The following MOV10 variants were observed in gnomAD, a reference collection of about 807,000 sequenced individuals.
MOV10 encodes Mov10 RNA helicase, also known as RNA helicase MOV-10.
A neutral mutation model predicts 108.4 loss-of-function variants in MOV10; 39 were observed. The observed-to-expected ratio is 0.36, with a 90% CI of 0.28 to 0.47. The LOEUF (loss-of-function observed/expected upper bound fraction) is 0.47, where lower values mean the gene tolerates loss of function less well. Among genes scored for constraint, MOV10 ranks in the 20% least tolerant of loss-of-function variants. The probability of loss-of-function intolerance (pLI) is 1.00; values close to 1 mark genes in which losing one functional copy is unlikely to be tolerated. For missense variants in MOV10, 952 were observed against 1,297.6 expected, an observed-to-expected ratio of 0.73 and a Z score of 4.09; for synonymous variants, 490 against 523.1, an observed-to-expected ratio of 0.94 and a Z score of 0.86.
Position 112,690,035 on chromosome 1 carries a change from G to T in MOV10, c.773G>T (p.Arg258Leu), listed in dbSNP as rs147230995. ...CTGAAGCCCATGACTCCCTTCAAGC[G>T]GACCCGGATCACCGGAAACCCTGTG... The part of the protein sequence containing the change: ...AQLKPMTPFK[R>L]TRITGNPVVT... Residue 258 changes from arginine to leucine, a missense_variant, in exon 5 of 21, where the codon CGG becomes CTG. Coordinates refer to ENST00000369645, the MANE Select transcript of MOV10 (RefSeq NM_001321324.2). 1.9e-6 allele frequency: 3 copies of T among 1,613,940 alleles called. No individual in the cohort carries two copies. In the African/African-American group the frequency reaches 4.0e-5, roughly 22 times the overall value.
chr1:112,696,111 G>A (rs1314170638), intron 11 of MOV10, 37 bp from the exon 12 acceptor site: 1 of 1,431,260 alleles, frequency 7.0e-7, no homozygotes, highest in Non-Finnish European at 9.8e-7. Flanking sequence ...AATGAGTGGA[G>A]CCAAGCTGAT....
At chr1:112,676,286 T>C (rs564661362) in intron 2 of MOV10, among the ~76,000 whole-genome samples, 2 of 152,116 alleles carry the variant, frequency 1.3e-5, no homozygotes, top group East Asian at 3.9e-4. Flanking sequence ...CATGGTAAAA[T>C]GGAGGATTAT....
chr1:112,691,602 G>T, intron 5 of MOV10, 63 bp from the exon 6 acceptor site: 1 of 1,578,148 alleles, frequency 6.3e-7, no homozygotes, highest in Admixed American at 1.7e-5. Context: ...CCACCCCAGA[G>T]GGGCGTTCTC....
chr1:112,689,232 G>T, intron 3 of MOV10, 94 bp downstream of exon 3: 1 of 1,358,250 alleles, frequency 7.4e-7, no homozygotes, highest in Non-Finnish European at 1.0e-6. Flanking sequence ...TTACACAAGT[G>T]GGAATAAGTC....
At position 112,677,778 on chromosome 1, in the gene MOV10, GTA is replaced by G. The variant is rs1672309050; in HGVS notation, c.137+2732_137+2733del. On this transcript the variant is annotated intron_variant, in intron 2 of 20. Transcript: ENST00000369645. ...AAGAGAATGGGCCATATAGCGGGGG[GTA>G]TAGCAAGTCACACTCTTTAGGAATT... 3.9e-5 allele frequency among the ~76,000 whole-genome samples: 6 copies of G among 152,146 alleles called. No homozygotes were observed. The South Asian group carries it at 1.0e-3, about 26-fold the overall frequency.
chr1:112,675,161 G>A lies in MOV10; in HGVS notation c.137+112G>A, dbSNP rs1378259906. 7.6e-7 allele frequency: 1 copy of A among 1,320,162 alleles called. No homozygotes were observed. The highest frequency in any genetic ancestry group is 1.6e-5 in the African/African-American group (1 of 64,408). 81.8% of individuals were successfully genotyped at this position (1,320,162 alleles called of 1,614,324 possible). A position where few individuals can be genotyped will look rare whatever the true frequency, so the allele number is the denominator to read the frequency against. On this transcript the variant is annotated intron_variant, in intron 2 of 20. Coordinates refer to ENST00000369645, the MANE Select transcript of MOV10 (RefSeq NM_001321324.2). The surrounding 1 kb of genome is among the most constrained non-coding windows in gnomAD (Gnocchi z 4.7). ...GGCGCAGAGGGACGCAGCTCCCCCAGCGGCTCAGGCCAGTCCCGGGGCGGC... is the reference window on the plus strand; with the variant it reads ...GGCGCAGAGGGACGCAGCTCCCCCAACGGCTCAGGCCAGTCCCGGGGCGGC...
chr1:112,696,216 C>T lies in MOV10; in HGVS notation c.1848C>T (p.Tyr616=). 2 of 1,613,840 alleles carry T rather than the reference C, an allele frequency of 1.2e-6. No homozygotes were observed. Among genetic ancestry groups the T allele is most frequent in the South Asian group, 1.1e-5 (1 of 91,050 alleles). ...CCGCCAAGAAGAAGCTGCAGGAATA[C>T]CGGGTCTTAATTACCACCCTCATCA... ...VFPAKKKLQE[Y]RVLITTLITA... Residue 616 remains tyrosine (Y), a synonymous_variant, in exon 12 of 21, where the codon TAC becomes TAT. Coordinates refer to ENST00000369645, the MANE Select transcript of MOV10 (RefSeq NM_001321324.2).
At position 112,689,449 on chromosome 1, in the gene MOV10, G is replaced by A. The variant is rs576181686; in HGVS notation, c.376G>A (p.Val126Met). 6.7e-7 allele frequency: 1 copy of A among 1,491,860 alleles called. No individual in the cohort carries two copies. Among genetic ancestry groups the A allele is most frequent in the South Asian group, 1.1e-5 (1 of 89,530 alleles). The allele number at this position is 1,491,860 out of a possible 1,614,324, so 92.4% of individuals were successfully genotyped here. Reference sequence around the variant, plus strand: ...TCTTCATGGGAAACATGGTGTGGATGTGGAAGTCCAGGGGCCCCATGAAGC... The same window carrying A: ...TCTTCATGGGAAACATGGTGTGGATATGGAAGTCCAGGGGCCCCATGAAGC... ...EYLHGKHGVDVEVQGPHEARD... is the reference protein window; with the variant it reads ...EYLHGKHGVDMEVQGPHEARD... Residue 126 changes from valine (V) to methionine (M), a missense_variant, in exon 4 of 21, where the codon GTG becomes ATG. Around this residue, in one of 5 missense-constraint regions of MOV10, gnomAD observed 374 missense variants for 468.6 expected, o/e 0.80. Transcript: ENST00000369645.
Position 112,696,654 on chromosome 1 carries a change from G to T in MOV10, c.2006G>T (p.Gly669Val), listed in dbSNP as rs1427809152. Reference sequence around the variant, plus strand: ...GGGCTGATGGAAGTAAAGGAAACAGGTGATCCAGGAGGGCAGCTGGTGCTG... The same window carrying T: ...GGGCTGATGGAAGTAAAGGAAACAGTTGATCCAGGAGGGCAGCTGGTGCTG... ...IAGLMEVKET[G>V]DPGGQLVLAG... The change falls in exon 14 of 21, where the codon GGT (glycine) becomes GTT (valine). Residue 669 changes from glycine to valine, a missense_variant. Physicochemically the swap from Gly to Val is moderately radical, Grantham distance 109. Coordinates refer to ENST00000369645, the MANE Select transcript of MOV10 (RefSeq NM_001321324.2). The T allele has an allele frequency of 6.2e-7, 1 of 1,611,938 alleles. No individual in the cohort carries two copies. The highest frequency in any genetic ancestry group is 8.5e-7 in the Non-Finnish European group (1 of 1,178,994).
intron 17 of MOV10, 107 bp from the exon 18 acceptor site, chr1:112,699,578 A>G: frequency 5.2e-6 from 8 of 1,545,592 alleles, no homozygotes; most frequent in Admixed American, 4.0e-5. Flanking sequence ...CTGATCTACA[A>G]TTGCCCAGTG....
chr1:112,680,584 A>T (rs1336607630), intron 2 of MOV10, among the ~76,000 whole-genome samples: 1 of 119,508 alleles, frequency 8.4e-6, no homozygotes, highest in Non-Finnish European at 1.6e-5. Flanking sequence ...TGAACCCGGG[A>T]GGCGGAGCTT....
chr1:112,674,749 G>A lies in MOV10; in HGVS notation c.-66+20G>A, dbSNP rs1006519793. On this transcript the variant is annotated intron_variant, in intron 1 of 20. Transcript: ENST00000369645. ...GCTCAGGTAAGAAAAGAACGGAGGAGGGAAGCCTGGTGGGGAGAAGGGAGC... is the reference window on the plus strand; with the variant it reads ...GCTCAGGTAAGAAAAGAACGGAGGAAGGAAGCCTGGTGGGGAGAAGGGAGC... The A allele has an allele frequency of 3.3e-6, 2 of 609,898 alleles. No individual in the cohort carries two copies. The highest frequency in any genetic ancestry group is 5.5e-6 in the Non-Finnish European group (2 of 366,106). The allele number at this position is 609,898 out of a possible 1,614,324, so 37.8% of individuals were successfully genotyped here. A position where few individuals can be genotyped will look rare whatever the true frequency, so the allele number is the denominator to read the frequency against.
chr1:112,685,379 G>A (rs980912555), intron 2 of MOV10, among the ~76,000 whole-genome samples: 12 of 151,938 alleles, frequency 7.9e-5, no homozygotes, highest in South Asian at 2.1e-4. Context: ...GATTACGGCC[G>A]GGCACGGTGG....
In MOV10 at chr1:112,696,714, G is replaced by A. The variant is rs757092829; in HGVS notation, c.2066G>A (p.Arg689His). Reference sequence around the variant, plus strand: ...CCTCGGCAGCTGGGGCCTGTGCTGCGTTCCCCACTGACCCAGAAGCATGGA... The same window carrying A: ...CCTCGGCAGCTGGGGCCTGTGCTGCATTCCCCACTGACCCAGAAGCATGGA... ...GDPRQLGPVL[R>H]SPLTQKHGLG... is the part of the protein sequence containing the mutation. Residue 689 changes from arginine (R) to histidine (H), a missense_variant, in exon 14 of 21, where the codon CGT becomes CAT. By Grantham distance (29) the Arg-to-His change is conservative. Around this residue, in one of 5 missense-constraint regions of MOV10, gnomAD observed 453 missense variants for 611.5 expected, o/e 0.74. Transcript: ENST00000369645. The A allele has an allele frequency of 5.6e-5, 90 of 1,607,000 alleles. 1 individual carries two copies. The highest frequency in any genetic ancestry group is 5.6e-5 in the South Asian group (5 of 89,760).
At chr1:112,692,974 C>T (rs771490606) in intron 7 of MOV10, 45 bp downstream of exon 7, 2 of 1,551,166 alleles carry the variant, frequency 1.3e-6, no homozygotes, top group Admixed American at 3.7e-5. Context: ...TCAAGCCAGC[C>T]AAGCTAGAGG....
intron 2 of MOV10, among the ~76,000 whole-genome samples, chr1:112,683,757 C>T (rs1672847494): frequency 1.3e-5 from 2 of 152,166 alleles, no homozygotes; most frequent in Non-Finnish European, 2.9e-5. Flanking sequence ...TGAGTGCTTA[C>T]AATGTGTTCA....
At chr1:112,676,114 G>T (rs1181014578) in intron 2 of MOV10, among the ~76,000 whole-genome samples, 1 of 152,184 alleles carries the variant, frequency 6.6e-6, no homozygotes, top group Non-Finnish European at 1.5e-5. Context: ...GATATTAACA[G>T]GCTTGAACAA....
At chr1:112,687,171 A>C (rs1673138873) in intron 2 of MOV10, 1 of 358,820 alleles carries the variant, frequency 2.8e-6, no homozygotes, top group Non-Finnish European at 5.5e-6. Context: ...TAATATAAAT[A>C]CTAACAATAG....
chr1:112,689,345 C>G, intron 3 of MOV10, 70 bp from the exon 4 acceptor site: 1 of 1,466,956 alleles, frequency 6.8e-7, no homozygotes, highest in Non-Finnish European at 9.4e-7. Context: ...AAGCCTAAAG[C>G]TTTCCCCAGG....
Sources: gnomAD v4.1 joint callset for allele counts (sites outside exome capture counted in the v4.1 genomes callset) on GRCh38, gnomAD v4.1.1 for gene constraint, gnomAD v4.1.1 regional missense constraint, Gnocchi (gnomAD v3.1) non-coding constraint, MANE v1.5 for transcripts, NCBI Gene and HGNC (gene_info 2026-07-23, HGNC 2026-07-21) for gene names.